CRAT: variants seen among roughly 807,000 people sequenced by gnomAD.
CRAT encodes carnitine acetylase.
Under a neutral mutation model 73.7 loss-of-function variants are expected in CRAT, and 66 were observed. That is an observed-to-expected ratio of 0.90 (90% CI 0.73 to 1.10). The LOEUF (loss-of-function observed/expected upper bound fraction) is 1.10, where lower values mean the gene tolerates loss of function less well. Ranked by LOEUF, CRAT falls within the 50% of genes least tolerant of loss-of-function variation. CRAT has a pLI of 0.00. For synonymous variants in CRAT, 321 were observed against 343.2 expected, an observed-to-expected ratio of 0.94 and a Z score of 0.71; for missense variants, 745 against 846.9, an observed-to-expected ratio of 0.88 and a Z score of 1.49.
Position 129,107,651 on chromosome 9 carries a change from C to T in CRAT, c.291+163G>A, listed in dbSNP as rs1166726878. ...AATGTTAGCTCCAAGGAGCTGGTGA[C>T]TGTGTCCTTCTTGATCACCCAGCAC... On this transcript the variant is annotated intron_variant, in intron 2 of 13. Coordinates refer to ENST00000318080, the MANE Select transcript of CRAT (RefSeq NM_000755.5). This position sits in a 1 kb window ranked among gnomAD's most constrained non-coding sequence, Gnocchi z 5.0. The T allele has an allele frequency of 1.1e-6, 1 of 920,314 alleles. No homozygotes were observed. The highest frequency in any genetic ancestry group is 1.8e-6 in the Non-Finnish European group (1 of 569,942). 57.0% of individuals were successfully genotyped at this position (920,314 alleles called of 1,614,324 possible).
rs1213385136 is a variant in CRAT, at chr9:129,102,689, G to A, written c.465-124C>T. 1.9e-5 allele frequency: 21 copies of A among 1,134,124 alleles called. 1 individual carries two copies. The highest frequency in any genetic ancestry group is 1.4e-4 in the African/African-American group (9 of 65,290). The allele number at this position is 1,134,124 out of a possible 1,614,324, so 70.3% of individuals were successfully genotyped here. A position where few individuals can be genotyped will look rare whatever the true frequency, so the allele number is the denominator to read the frequency against. ...AGTGTCCCTGCTCCCACTCCCAGAT[G>A]AGCAGGACACCTCAGGGCTGTGCTG... On this transcript the variant is annotated intron_variant, in intron 4 of 13. Coordinates refer to ENST00000318080, the MANE Select transcript of CRAT (RefSeq NM_000755.5).
intron 12 of CRAT, among the ~76,000 whole-genome samples, chr9:129,096,804 C>T (rs1847305512): frequency 6.6e-6 from 1 of 152,226 alleles, no homozygotes; most frequent in African/African-American, 2.4e-5. Context: ...CACGGTGGCT[C>T]ACGCCTATAA....
In CRAT at chr9:129,108,012, G is replaced by C. The variant is rs780643112; in HGVS notation, c.93C>G (p.His31Gln). 1.4e-5 allele frequency: 22 copies of C among 1,582,460 alleles called. No individual in the cohort carries two copies. Among genetic ancestry groups the C allele is most frequent in the Non-Finnish European group, 1.8e-5 (21 of 1,166,498 alleles). Residue 31 changes from histidine (H) to glutamine (Q), a missense_variant, in exon 2 of 14, where the codon CAC becomes CAG. By Grantham distance (24) the His-to-Gln change is conservative. Coordinates refer to ENST00000318080, the MANE Select transcript of CRAT (RefSeq NM_000755.5). Reference protein sequence around the residue: ...LMKASSRFKAHQDALPRLPVP... With the variant: ...LMKASSRFKAQQDALPRLPVP... ...CGGGCAGCCGTGGCAGTGCATCCTGGTGTGCCTTGAAGCGGCTGGAAGCCT... is the reference window on the plus strand; with the variant it reads ...CGGGCAGCCGTGGCAGTGCATCCTGCTGTGCCTTGAAGCGGCTGGAAGCCT...
chr9:129,097,209 C>G (rs1397443895), intron 12 of CRAT, 41 bp downstream of exon 12: 2 of 1,502,426 alleles, frequency 1.3e-6, no homozygotes, highest in Non-Finnish European at 1.8e-6. Flanking sequence ...AGATGGCTGA[C>G]ACTAAGGGAC....
intron 7 of CRAT, 152 bp downstream of exon 7, chr9:129,100,359 G>A: frequency 2.1e-6 from 2 of 937,214 alleles, no homozygotes; most frequent in Non-Finnish European, 3.1e-6. Flanking sequence ...CTGGCTGCCT[G>A]GTAATTACGG....
chr9:129,109,473 T>G (rs1251413027), intron 1 of CRAT, among the ~76,000 whole-genome samples: 1 of 152,170 alleles, frequency 6.6e-6, no homozygotes, highest in Non-Finnish European at 1.5e-5. Context: ...ACTTTTGGTA[T>G]GAAAAATAAA....
At chr9:129,102,173 G>T in intron 5 of CRAT, 116 bp from the exon 6 acceptor site, 1 of 1,292,646 alleles carries the variant, frequency 7.7e-7, no homozygotes. Context: ...ATGGAGTCAG[G>T]CCAAGGGTGA....
intron 7 of CRAT, 132 bp downstream of exon 7, chr9:129,100,379 G>A: frequency 8.7e-7 from 1 of 1,150,198 alleles, no homozygotes; most frequent in East Asian, 2.5e-5. Flanking sequence ...GCAGCGTCCA[G>A]CCTGCTGGCT....
chr9:129,099,960 C>G lies in CRAT; in HGVS notation c.991G>C (p.Val331Leu). Residue 331 changes from valine (V) to leucine (L), a missense_variant, in exon 8 of 14, where the codon GTG (valine) becomes CTG (leucine). Transcript: ENST00000318080. ...AGCCCACAGGAGCCATCTTCTGCCA[C>G]GATGAACTGTGGAAGGGAAGGGAGA... Reference protein sequence around the residue: ...RWFDKTLQFIVAEDGSCGLVY... With the variant: ...RWFDKTLQFILAEDGSCGLVY... 6.2e-7 allele frequency: 1 copy of G among 1,613,102 alleles called. No individual in the cohort carries two copies. The highest frequency in any genetic ancestry group is 8.5e-7 in the Non-Finnish European group (1 of 1,179,750).
intron 2 of CRAT, among the ~76,000 whole-genome samples, chr9:129,105,863 G>T (rs910151394): frequency 3.9e-5 from 6 of 152,020 alleles, no homozygotes; most frequent in Non-Finnish European, 7.4e-5. Context: ...GGGGGTGGGG[G>T]GTCTCTGGGC....
In CRAT at chr9:129,107,507, C is replaced by T. The variant is rs1352423449; in HGVS notation, c.291+307G>A. 4 of 631,828 alleles carry T rather than the reference C, an allele frequency of 6.3e-6. No homozygotes were observed. The Admixed American group carries it at 6.8e-5, about 11-fold the overall frequency. 39.1% of individuals were successfully genotyped at this position (631,828 alleles called of 1,614,324 possible). A position where few individuals can be genotyped will look rare whatever the true frequency, so the allele number is the denominator to read the frequency against. ...CTGCCTGAGGCTGTCCCACCAAGCACAAGGGCATCTTCTATCTGGTTGTAC... is the reference window on the plus strand; with the variant it reads ...CTGCCTGAGGCTGTCCCACCAAGCATAAGGGCATCTTCTATCTGGTTGTAC... On this transcript the variant is annotated intron_variant, in intron 2 of 13. Coordinates refer to ENST00000318080, the MANE Select transcript of CRAT (RefSeq NM_000755.5). This position sits in a 1 kb window ranked among gnomAD's most constrained non-coding sequence, Gnocchi z 5.0.
At chr9:129,102,622 A>G in intron 4 of CRAT, 57 bp from the exon 5 acceptor site, 2 of 1,587,042 alleles carry the variant, frequency 1.3e-6, no homozygotes, top group Non-Finnish European at 1.7e-6. Flanking sequence ...GGAGGAGGGC[A>G]GGGTAGACAG....
chr9:129,097,287 C>T lies in CRAT; in HGVS notation c.1490G>A (p.Arg497Gln), dbSNP rs375621196. ...VTEHQKVELL[R>Q]KAVQAHRGYT... ...GCCTCGGTGGGCCTGCACGGCCTTCCGCAGCAGCTCCACCTTCTGGTGCTC... is the reference window on the plus strand; with the variant it reads ...GCCTCGGTGGGCCTGCACGGCCTTCTGCAGCAGCTCCACCTTCTGGTGCTC... Residue 497 changes from arginine (R) to glutamine (Q), a missense_variant, in exon 12 of 14, where the codon CGG becomes CAG. Arg to Gln is a conservative substitution (Grantham distance 43). Coordinates refer to ENST00000318080, the MANE Select transcript of CRAT (RefSeq NM_000755.5). 76 of 1,491,408 alleles carry T rather than the reference C, an allele frequency of 5.1e-5. No homozygotes were observed. Among genetic ancestry groups the T allele is most frequent in the African/African-American group, 7.8e-5 (5 of 64,272 alleles). 92.4% of individuals were successfully genotyped at this position (1,491,408 alleles called of 1,614,324 possible).
chr9:129,109,717 T>C (rs1296132990), intron 1 of CRAT, among the ~76,000 whole-genome samples: 1 of 152,138 alleles, frequency 6.6e-6, no homozygotes, highest in East Asian at 1.9e-4. Flanking sequence ...TGAGCCTGGA[T>C]GCACCCTCCG....
rs945940187 is a variant in CRAT, at chr9:129,107,832, G to A, written c.273C>T (p.Ala91=). Residue 91 remains alanine, a synonymous_variant, in exon 2 of 14, where the codon GCC becomes GCT. Coordinates refer to ENST00000318080, the MANE Select transcript of CRAT (RefSeq NM_000755.5). The surrounding 1 kb of genome is among the most constrained non-coding windows in gnomAD (Gnocchi z 5.0). ...ERLQKGLERR[A]RKTENWLSEW... ...CACTCACCCAGTTCTCCGTCTTCCT[G>A]GCCCGACGCTCCAGCCCCTTCTGCA... The A allele has an allele frequency of 7.4e-6, 12 of 1,612,784 alleles. No homozygotes were observed. The highest frequency in any genetic ancestry group is 1.6e-4 in the Middle Eastern group (1 of 6,084).
rs1847446667 is a variant in CRAT, at chr9:129,098,624, G to A, written c.1112C>T (p.Pro371Leu). The A allele has an allele frequency of 6.2e-7, 1 of 1,601,864 alleles. No individual in the cohort carries two copies. Among genetic ancestry groups the A allele is most frequent in the Admixed American group, 1.8e-5 (1 of 55,462 alleles). The change falls in exon 9 of 14, where the codon CCC (proline) becomes CTC (leucine). Residue 371 changes from proline (P) to leucine (L), a missense_variant. Transcript: ENST00000318080. ...YTKKPELVRSPLVPLPMPKKL... is the reference protein window; with the variant it reads ...YTKKPELVRSLLVPLPMPKKL... ...CTTGGGCATGGGCAGGGGCACCAGG[G>A]GAGACCGCACAAGCTCGGGTTTCTT...
chr9:129,097,220 A>T, intron 12 of CRAT, 30 bp downstream of exon 12: 2 of 1,532,846 alleles, frequency 1.3e-6, no homozygotes, highest in East Asian at 2.4e-5. Context: ...ACTAAGGGAC[A>T]AGTGAGTAGG....
At chr9:129,101,095 G>A (rs1288007283) in intron 6 of CRAT, among the ~76,000 whole-genome samples, 3 of 140,978 alleles carry the variant, frequency 2.1e-5, no homozygotes, top group East Asian at 1.9e-4. Flanking sequence ...GTGTGGAGGC[G>A]GGTGGGCTTC....
In CRAT at chr9:129,098,667, G is replaced by A. The variant is rs1847451174; in HGVS notation, c.1086-17C>T. On this transcript the variant is annotated splice_polypyrimidine_tract_variant and intron_variant, in intron 8 of 13. Coordinates refer to ENST00000318080, the MANE Select transcript of CRAT (RefSeq NM_000755.5). Reference sequence around the variant, plus strand: ...GGTTTCTTCCTGCACAGTAAACGGGGCCTCAGGCTCATGCTGGTGCCTCTA... The same window carrying A: ...GGTTTCTTCCTGCACAGTAAACGGGACCTCAGGCTCATGCTGGTGCCTCTA... The A allele has an allele frequency of 1.3e-6, 2 of 1,596,284 alleles. No homozygotes were observed. Among genetic ancestry groups the A allele is most frequent in the South Asian group, 2.3e-5 (2 of 88,200 alleles).
Sources: gnomAD v4.1 joint callset for allele counts (sites outside exome capture counted in the v4.1 genomes callset) on GRCh38, gnomAD v4.1.1 for gene constraint, Gnocchi (gnomAD v3.1) non-coding constraint, MANE v1.5 for transcripts, NCBI Gene and HGNC (gene_info 2026-07-23, HGNC 2026-07-21) for gene names.